Variants in FAM53C observed in about 807,000 individuals in gnomAD.
FAM53C encodes family with sequence similarity 53 member C.
In FAM53C, 10 loss-of-function variants were observed where a neutral mutation model predicts 34.7. The observed-to-expected ratio is 0.29, with a 90% CI of 0.18 to 0.49. The LOEUF is 0.49. Among genes scored for constraint, FAM53C ranks in the 20% least tolerant of loss-of-function variants. FAM53C has a pLI of 0.99. For missense variants in FAM53C, 442 were observed against 515.3 expected (o/e 0.86, Z 1.38); for synonymous variants, 203 against 203.6 (o/e 1.00, Z 0.03).
chr5:138,344,073 TGA>T (rs1761103814), intron 3 of FAM53C, among the ~76,000 whole-genome samples: 1 of 152,126 alleles, frequency 6.6e-6, no homozygotes, highest in East Asian at 1.9e-4. Context: ...TGGAATACAG[TGA>T]GTGAGGATTG....
At chr5:138,344,204 A>C (rs1761106642) in intron 3 of FAM53C, among the ~76,000 whole-genome samples, 1 of 152,250 alleles carries the variant, frequency 6.6e-6, no homozygotes, top group African/African-American at 2.4e-5. Context: ...GAAGATGAGC[A>C]GCACAAAGTC....
At chr5:138,338,431 C>T (rs1760887662) in intron 1 of FAM53C, 124 bp downstream of exon 1, 4 of 342,268 alleles carry the variant, frequency 1.2e-5, no homozygotes, top group Non-Finnish European at 2.3e-5. Context: ...CTGGCCGCCT[C>T]TGCGGGGAGA....
At chr5:138,341,109 G>A (rs1761020717) in intron 1 of FAM53C, 75 bp from the exon 2 acceptor site, 3 of 642,874 alleles carry the variant, frequency 4.7e-6, no homozygotes, top group Non-Finnish European at 5.9e-6. Context: ...GCTGTGGTAT[G>A]TGTGCCATGC....
rs143912652 is a variant in FAM53C at position 138,344,932 on chromosome 5, A to G, written c.244A>G (p.Ser82Gly). ...CCTGAGCCTGCACCTCAGACCACCCAGTCGGGGAAACTCCCCCAAGGAGCA... is the reference window on the plus strand; with the variant it reads ...CCTGAGCCTGCACCTCAGACCACCCGGTCGGGGAAACTCCCCCAAGGAGCA... ...SGLSLHLRPPSRGNSPKEQPF... is the reference protein window; with the variant it reads ...SGLSLHLRPPGRGNSPKEQPF... The change falls in exon 4 of 5, where the codon AGT becomes GGT. Residue 82 changes from serine (S) to glycine (G), a missense_variant. Ser to Gly is a moderately conservative substitution (Grantham distance 56). Transcript: ENST00000239906. The G allele has an allele frequency of 5.2e-5, 84 of 1,614,106 alleles. No homozygotes were observed. Among genetic ancestry groups the G allele is most frequent in the Middle Eastern group, 4.9e-4 (3 of 6,062 alleles).
rs1242472337 is a variant in FAM53C at position 138,338,311 on chromosome 5, G to C, written c.-153+4G>C. On this transcript the variant is annotated splice_donor_region_variant and intron_variant, in intron 1 of 4. Coordinates refer to ENST00000239906, the MANE Select transcript of FAM53C (RefSeq NM_016605.3). ...CCTGGGAGCTGGAGGAACCGCGGTA[G>C]GTGGTGGAGGGCAGGTGGCGCTGGG... is the stretch of plus-strand genomic sequence containing the variant. 1 of 528,826 alleles carries C rather than the reference G, an allele frequency of 1.9e-6. No individual in the cohort carries two copies. The highest frequency in any genetic ancestry group is 3.4e-6 in the Non-Finnish European group (1 of 298,008). The allele number at this position is 528,826 out of a possible 1,614,324, so 32.8% of individuals were successfully genotyped here. A position where few individuals can be genotyped will look rare whatever the true frequency, so the allele number is the denominator to read the frequency against.
rs958262612 is a variant in FAM53C at position 138,345,725 on chromosome 5, CTTT to C, written c.921+117_921+119del. On this transcript the variant is annotated intron_variant, in intron 4 of 4. Transcript: ENST00000239906. This position sits in a 1 kb window ranked among gnomAD's most constrained non-coding sequence, Gnocchi z 6.3. ...CCGCCCCCACCACCAACAGCACCTCCTTTAGCTCTTAGCTAGGGTGACCTACCA... is the reference window on the plus strand; with the variant it reads ...CCGCCCCCACCACCAACAGCACCTCCAGCTCTTAGCTAGGGTGACCTACCA... 162 of 1,229,038 alleles carry C rather than the reference CTTT, an allele frequency of 1.3e-4. No individual in the cohort carries two copies. The highest frequency in any genetic ancestry group is 1.7e-4 in the Non-Finnish European group (152 of 885,738). The allele number at this position is 1,229,038 out of a possible 1,614,324, so 76.1% of individuals were successfully genotyped here.
At chr5:138,346,671 G>A in intron 4 of FAM53C, 31 bp from the exon 5 acceptor site, 1 of 1,613,228 alleles carries the variant, frequency 6.2e-7, no homozygotes. Flanking sequence ...CTTGCCTTCA[G>A]GTGTAACTGT....
chr5:138,340,267 ATAAT>A (rs1252126460), intron 1 of FAM53C, among the ~76,000 whole-genome samples: 1 of 152,260 alleles, frequency 6.6e-6, no homozygotes, highest in African/African-American at 2.4e-5. Context: ...AATTGGATTA[ATAAT>A]TAGATTTCTT....
intron 4 of FAM53C, 71 bp from the exon 5 acceptor site, chr5:138,346,631 A>G: frequency 6.3e-7 from 1 of 1,591,326 alleles, no homozygotes; most frequent in Non-Finnish European, 8.5e-7. Context: ...CTCAAAAAAA[A>G]AAAGTTTACA....
chr5:138,341,395 A>G lies in FAM53C; in HGVS notation c.60A>G (p.Thr20=). The G allele has an allele frequency of 6.2e-7, 1 of 1,613,824 alleles. No homozygotes were observed. The highest frequency in any genetic ancestry group is 8.5e-7 in the Non-Finnish European group (1 of 1,179,768). The change falls in exon 2 of 5, where the codon ACA becomes ACG. Residue 20 remains threonine, a synonymous_variant. Coordinates refer to ENST00000239906, the MANE Select transcript of FAM53C (RefSeq NM_016605.3). ...QKQTLDELKC[T]RFSISLPLPD... ...AGACTCTGGATGAGCTGAAATGCAC[A>G]CGCTTCAGCATCAGTCTGGTAAAAG...
chr5:138,337,906 G>A (rs1475053650), upstream of FAM53C: 2 of 1,236,296 alleles, frequency 1.6e-6, no homozygotes, highest in Non-Finnish European at 2.1e-6. Flanking sequence ...GTGGGAGGCT[G>A]CAGTTGGGCC....
rs1156507114 is a variant in FAM53C at position 138,338,281 on chromosome 5, G to T, written c.-179G>T. On this transcript the variant is annotated 5_prime_UTR_variant, in exon 1 of 5. Coordinates refer to ENST00000239906, the MANE Select transcript of FAM53C (RefSeq NM_016605.3). ...CCGAGCGCTCAGAGCTGCTCCGGCCGCGGCCCTGGGAGCTGGAGGAACCGC... is the reference window on the plus strand; with the variant it reads ...CCGAGCGCTCAGAGCTGCTCCGGCCTCGGCCCTGGGAGCTGGAGGAACCGC... The T allele has an allele frequency of 1.2e-6, 1 of 868,358 alleles. No homozygotes were observed. Among genetic ancestry groups the T allele is most frequent in the Non-Finnish European group, 1.7e-6 (1 of 605,242 alleles). The allele number at this position is 868,358 out of a possible 1,614,324, so 53.8% of individuals were successfully genotyped here.
At chr5:138,342,245 AT>A (rs1450255127) in intron 3 of FAM53C, 1 of 190,020 alleles carries the variant, frequency 5.3e-6, no homozygotes, top group Non-Finnish European at 1.1e-5. Context: ...TGTGACTAGA[AT>A]TTCTTTATAT....
upstream of FAM53C, chr5:138,338,154 A>T: frequency 2.3e-6 from 3 of 1,289,746 alleles, no homozygotes; most frequent in South Asian, 1.2e-5. Flanking sequence ...TGCGCCCTCC[A>T]TGGGTGGCTT....
At chr5:138,338,603 C>A (rs1315084595) in intron 1 of FAM53C, among the ~76,000 whole-genome samples, 1 of 150,616 alleles carries the variant, frequency 6.6e-6, no homozygotes. Context: ...CCCCCCCCGC[C>A]CCGGGGACCA....
chr5:138,341,892 C>T lies in FAM53C; in HGVS notation c.136+26C>T, dbSNP rs762631685. 3.0e-5 allele frequency: 49 copies of T among 1,609,490 alleles called. No homozygotes were observed. In the South Asian group the frequency reaches 3.1e-4, roughly 10 times the overall value. ...GTAAGGCATCGTGTGTGTTTGTGTA[C>T]GTGTGTGTACCCATTCCTCTCTCCA... On this transcript the variant is annotated intron_variant, in intron 3 of 4. Coordinates refer to ENST00000239906, the MANE Select transcript of FAM53C (RefSeq NM_016605.3).
In FAM53C at chr5:138,348,885, C is replaced by T. The variant is rs1378574041; in HGVS notation, c.*1926C>T. On this transcript the variant is annotated 3_prime_UTR_variant, in exon 5 of 5. Transcript: ENST00000239906. ...GTGCCAATTTCTTTTCCTCCTGGGG[C>T]ATCCTCATCCCAGGGCTCTCTGCTG... 1 of 152,354 alleles carries T rather than the reference C, an allele frequency of 6.6e-6. No individual in the cohort carries two copies. 9.4% of individuals were successfully genotyped at this position (152,354 alleles called of 1,614,324 possible). A position where few individuals can be genotyped will look rare whatever the true frequency, so the allele number is the denominator to read the frequency against.
chr5:138,341,209 A>G lies in FAM53C; in HGVS notation c.-127A>G, dbSNP rs938604519. The G allele has an allele frequency of 3.7e-6, 3 of 819,160 alleles. No individual in the cohort carries two copies. The South Asian group carries it at 4.0e-5, about 11-fold the overall frequency. The allele number at this position is 819,160 out of a possible 1,614,324, so 50.7% of individuals were successfully genotyped here. On this transcript the variant is annotated 5_prime_UTR_variant, in exon 2 of 5. Coordinates refer to ENST00000239906, the MANE Select transcript of FAM53C (RefSeq NM_016605.3). ...ACTCAGCAGGCATGACTGGAGAGGGAAGTCCCAATGGTGCTAGAATGGTGC... is the reference window on the plus strand; with the variant it reads ...ACTCAGCAGGCATGACTGGAGAGGGGAGTCCCAATGGTGCTAGAATGGTGC...
Position 138,348,198 on chromosome 5 carries a change from T to G in FAM53C, c.*1239T>G, listed in dbSNP as rs1305838414. ...TGGGCCTGAGAGACCATAGGGAGGT[T>G]GGGGCTCACTGAGGGATTGGCTGAG... On this transcript the variant is annotated 3_prime_UTR_variant, in exon 5 of 5. Transcript: ENST00000239906. 1.3e-5 allele frequency: 2 copies of G among 152,648 alleles called. No individual in the cohort carries two copies. The highest frequency in any genetic ancestry group is 4.8e-5 in the African/African-American group (2 of 41,440). 9.5% of individuals were successfully genotyped at this position (152,648 alleles called of 1,614,324 possible). A position where few individuals can be genotyped will look rare whatever the true frequency, so the allele number is the denominator to read the frequency against.
Sources: allele counts gnomAD v4.1 joint callset (sites outside exome capture counted in the v4.1 genomes callset), GRCh38; gene constraint gnomAD v4.1.1; non-coding constraint Gnocchi (gnomAD v3.1); transcripts MANE v1.5; gene names NCBI Gene and HGNC (gene_info 2026-07-23, HGNC 2026-07-21).